SHROOM2: variants seen among roughly 807,000 people sequenced by gnomAD.
SHROOM2 encodes the protein protein Shroom2.
Under a neutral mutation model 75.9 loss-of-function variants are expected in SHROOM2, and 33 were observed. That is an observed-to-expected ratio of 0.43 (90% confidence interval 0.33 to 0.58). SHROOM2 has a LOEUF of 0.58. Among genes scored for constraint, SHROOM2 ranks in the 20% least tolerant of loss-of-function variants. The pLI, the probability that SHROOM2 is intolerant of heterozygous loss-of-function variation, is 0.04. For synonymous variants in SHROOM2, 655 were observed against 663.6 expected, an observed-to-expected ratio of 0.99 and a Z score of 0.20; for missense variants, 1,434 against 1,461.2, an observed-to-expected ratio of 0.98 and a Z score of 0.30.
At chrX:9,835,455 G>A (rs2083938805) in intron 1 of SHROOM2, among the ~76,000 whole-genome samples, 1 of 112,286 alleles carries the variant, frequency 8.9e-6, no homozygotes, top group African/African-American at 3.2e-5. Context: ...GAAACCATGT[G>A]GCTGCACTAG....
In SHROOM2 at chrX:9,896,251, C is replaced by T. The variant is rs1038820342; in HGVS notation, c.2343C>T (p.His781=). 16 of 1,212,149 alleles carry T rather than the reference C, an allele frequency of 1.3e-5. No homozygotes were observed. The highest frequency in any genetic ancestry group is 2.2e-5 in the Admixed American group (1 of 46,161). Residue 781 remains histidine (H), a synonymous_variant, in exon 4 of 10, where the codon CAC becomes CAT. Coordinates refer to ENST00000380913, the MANE Select transcript of SHROOM2 (RefSeq NM_001649.4). ...EVGLTRGYSP[H]QHPRTSEDTV... ...GCCTCACGAGGGGCTACAGTCCTCA[C>T]CAGCACCCCAGGACATCTGAGGATA...
rs2084327893 is a variant in SHROOM2 at position 9,896,049 on chromosome X, T to G, written c.2141T>G (p.Leu714Arg). The G allele has an allele frequency of 8.3e-7, 1 of 1,209,358 alleles. No homozygotes were observed. The highest frequency in any genetic ancestry group is 1.7e-5 in the African/African-American group (1 of 57,474). Residue 714 changes from leucine to arginine, a missense_variant, in exon 4 of 10, where the codon CTG (leucine) becomes CGG (arginine). Transcript: ENST00000380913. ...CCAGGAGACCTATACCCGGAGTCAC[T>G]GGAACACCGGATGGGGGATCCAGAC... ...PNPGDLYPES[L>R]EHRMGDPDTV...
chrX:9,792,056 GAATA>G (rs2083657673), intron 1 of SHROOM2, among the ~76,000 whole-genome samples: 2 of 2,514 alleles, frequency 8.0e-4, no homozygotes, highest in Admixed American at 8.3e-3. Context: ...GAATAGAATA[GAATA>G]GAATAGAATA....
intron 5 of SHROOM2, among the ~76,000 whole-genome samples, chrX:9,928,708 T>C (rs1195064447): frequency 2.8e-5 from 3 of 108,882 alleles, no homozygotes; most frequent in African/African-American, 1.0e-4. Context: ...ACAACACACA[T>C]GGACACAGAG....
chrX:9,876,883 A>T (rs985274637), intron 2 of SHROOM2, among the ~76,000 whole-genome samples: 4 of 112,359 alleles, frequency 3.6e-5, no homozygotes, highest in Admixed American at 9.4e-5. Flanking sequence ...AGCTCACTGC[A>T]GCCTCGAACT....
chrX:9,832,970 C>T (rs746508368), intron 1 of SHROOM2, among the ~76,000 whole-genome samples: 4 of 111,571 alleles, frequency 3.6e-5, no homozygotes, highest in Non-Finnish European at 7.5e-5. Context: ...AAAGGTTTTC[C>T]TGTGACTGGG....
chrX:9,809,503 G>C (rs1241909531), intron 1 of SHROOM2, among the ~76,000 whole-genome samples: 1 of 111,629 alleles, frequency 9.0e-6, no homozygotes, highest in Non-Finnish European at 1.9e-5. Context: ...ACCATCACAA[G>C]TCCACCCCTT....
intron 3 of SHROOM2, among the ~76,000 whole-genome samples, chrX:9,893,932 C>T (rs1480420814): frequency 2.0e-5 from 2 of 100,512 alleles, no homozygotes; most frequent in Non-Finnish European, 3.9e-5. Context: ...CCAGCCTAGG[C>T]GACAGAGTGA....
At chrX:9,821,968 A>G (rs1261738907) in intron 1 of SHROOM2, among the ~76,000 whole-genome samples, 1 of 112,220 alleles carries the variant, frequency 8.9e-6, no homozygotes, top group Non-Finnish European at 1.9e-5. Context: ...AAAAAAGGAA[A>G]TGGGTCGAGG....
intron 1 of SHROOM2, among the ~76,000 whole-genome samples, chrX:9,853,193 A>T (rs915788532): frequency 9.9e-5 from 11 of 111,402 alleles, no homozygotes; most frequent in African/African-American, 3.3e-4. Context: ...GGTACCCCAG[A>T]TCCACCTGCC....
chrX:9,812,826 G>A (rs2083799028), intron 1 of SHROOM2, among the ~76,000 whole-genome samples: 1 of 112,370 alleles, frequency 8.9e-6, no homozygotes, highest in African/African-American at 3.2e-5. Flanking sequence ...TGCTTCTGGT[G>A]GGCCTTGTGG....
intron 1 of SHROOM2, among the ~76,000 whole-genome samples, chrX:9,863,720 C>T (rs2146788027): frequency 9.1e-6 from 1 of 110,007 alleles, no homozygotes; most frequent in Non-Finnish European, 1.9e-5. Context: ...GCCTCCAACT[C>T]CTAGGCTCAG....
chrX:9,911,497 TC>T (rs1031674671), intron 5 of SHROOM2, among the ~76,000 whole-genome samples: 1 of 111,268 alleles, frequency 9.0e-6, no homozygotes, highest in Non-Finnish European at 1.9e-5. Context: ...AAAGAGAAAC[TC>T]CGTCCTGGTG....
intron 5 of SHROOM2, among the ~76,000 whole-genome samples, chrX:9,926,904 C>T (rs749912305): frequency 7.2e-5 from 8 of 110,616 alleles, no homozygotes; most frequent in Admixed American, 1.9e-4. Flanking sequence ...ATCCAAAACA[C>T]TTCTGGTCCC....
intron 1 of SHROOM2, among the ~76,000 whole-genome samples, chrX:9,848,999 C>G (rs17327496): frequency 0.23 from 26,052 of 111,233 alleles, 4,752 homozygotes; most frequent in African/African-American, 0.61. Flanking sequence ...TTTGCATCCT[C>G]CAGGAGTTAA....
chrX:9,883,092 A>G (rs2084240994), intron 2 of SHROOM2, among the ~76,000 whole-genome samples: 1 of 112,116 alleles, frequency 8.9e-6, no homozygotes, highest in Non-Finnish European at 1.9e-5. Context: ...GTATACATTC[A>G]TGTGATGTAT....
intron 5 of SHROOM2, among the ~76,000 whole-genome samples, chrX:9,906,241 C>T (rs941755092): frequency 1.8e-5 from 2 of 111,287 alleles, no homozygotes; most frequent in African/African-American, 6.5e-5. Context: ...TAGGCACATC[C>T]GTAGATAGAA....
intron 3 of SHROOM2, among the ~76,000 whole-genome samples, chrX:9,891,746 G>A (rs764960207): frequency 9.1e-5 from 10 of 110,399 alleles, no homozygotes; most frequent in African/African-American, 3.0e-4. Context: ...GTATGTGTAT[G>A]AGTGTTCATG....
Position 9,874,973 on chromosome X carries a change from C to G in SHROOM2, c.317+1170C>G, listed in dbSNP as rs60659909. ...ATGCACACCTGTGGTCCCAGTTACT[C>G]GAGAGGTTGATATGGGAGGATTCTT... On this transcript the variant is annotated intron_variant, in intron 2 of 9. Coordinates refer to ENST00000380913, the MANE Select transcript of SHROOM2 (RefSeq NM_001649.4). Among the ~76,000 whole-genome samples, 31 of 100,128 alleles carry G rather than the reference C, an allele frequency of 3.1e-4. No homozygotes were observed. In the East Asian group the frequency reaches 8.5e-3, roughly 27 times the overall value. The allele number at this position is 100,128 out of a possible 115,157, so 86.9% of individuals were successfully genotyped here.
Sources: gnomAD v4.1 joint callset for allele counts (sites outside exome capture counted in the v4.1 genomes callset) on GRCh38, gnomAD v4.1.1 for gene constraint, MANE v1.5 for transcripts, NCBI Gene and HGNC (gene_info 2026-07-23, HGNC 2026-07-21) for gene names.